SAP30BP: variants seen among roughly 807,000 people sequenced by gnomAD.
SAP30BP encodes the protein SAP30-binding protein.
In SAP30BP, 31 loss-of-function variants were observed where a neutral mutation model predicts 46.3. That is an observed-to-expected ratio of 0.67 (90% CI 0.50 to 0.90). The LOEUF is 0.90. Among genes scored for constraint, SAP30BP ranks in the 40% least tolerant of loss-of-function variants. The probability of loss-of-function intolerance (pLI) is 0.00; values close to 1 mark genes in which losing one functional copy is unlikely to be tolerated. For synonymous variants in SAP30BP, 169 were observed against 144.2 expected (o/e 1.17, Z -1.23); for missense variants, 312 against 391.0 (o/e 0.80, Z 1.70).
intron 3 of SAP30BP, among the ~76,000 whole-genome samples, chr17:75,688,382 T>C (rs1599135538): frequency 6.6e-6 from 1 of 152,208 alleles, no homozygotes; most frequent in Non-Finnish European, 1.5e-5. Flanking sequence ...TGCCACGTAC[T>C]TGTAAGATGC....
rs1568300467 is a variant in SAP30BP, at chr17:75,674,708, T to TTG, written c.264+2846_264+2847insGT. ...TTTGTTTGTTTTTTGTTTTTTTTTT[T>TTG]TTTTTTTTTTTTTTTTTGAGGTGGA... On this transcript the variant is annotated intron_variant, in intron 3 of 10. Coordinates refer to ENST00000584667, the MANE Select transcript of SAP30BP (RefSeq NM_013260.8). 1.2e-3 allele frequency among the ~76,000 whole-genome samples: 143 copies of TTG among 122,444 alleles called. 3 individuals are homozygous for TTG. Among genetic ancestry groups the TTG allele is most frequent in the African/African-American group, 4.0e-3 (127 of 31,396 alleles). The allele number at this position is 122,444 out of a possible 152,430, so 80.3% of individuals were successfully genotyped here.
rs140985854 is a variant in SAP30BP at position 75,706,476 on chromosome 17, C to T, written c.882C>T (p.Thr294=). ...VTTSASGSKT[T]VISAVGTIVK... ...CCAGCGCCAGCGGCTCCAAGACCAC[C>T]GTCATCTCTGCTGTGGGCACCATTG... Residue 294 remains threonine, a synonymous_variant, in exon 11 of 11, where the codon ACC becomes ACT. Coordinates refer to ENST00000584667, the MANE Select transcript of SAP30BP (RefSeq NM_013260.8). This position sits in a 1 kb window ranked among gnomAD's most constrained non-coding sequence, Gnocchi z 4.6. 35 of 1,614,166 alleles carry T rather than the reference C, an allele frequency of 2.2e-5. No individual in the cohort carries two copies. The highest frequency in any genetic ancestry group is 1.6e-4 in the Middle Eastern group (1 of 6,062).
intron 3 of SAP30BP, among the ~76,000 whole-genome samples, chr17:75,688,400 C>G (rs2060193226): frequency 6.6e-6 from 1 of 152,222 alleles, no homozygotes. Flanking sequence ...TGCAAGATTA[C>G]ATTGCCCAAC....
intron 2 of SAP30BP, among the ~76,000 whole-genome samples, chr17:75,670,957 A>G (rs1282516818): frequency 6.6e-6 from 1 of 152,218 alleles, no homozygotes; most frequent in Non-Finnish European, 1.5e-5. Flanking sequence ...TGTTCTGGGT[A>G]GTGGAGGTGA....
At position 75,667,438 on chromosome 17, in the gene SAP30BP, T is replaced by C; in HGVS notation, c.66T>C (p.Ser22=). The C allele has an allele frequency of 6.2e-7, 1 of 1,614,172 alleles. No homozygotes were observed. The highest frequency in any genetic ancestry group is 8.5e-7 in the Non-Finnish European group (1 of 1,180,024). The change falls in exon 1 of 11, where the codon TCT becomes TCC. Residue 22 remains serine (S), a synonymous_variant. Transcript: ENST00000584667. ...ACGCGGAAGATTCAGAGCCCGAGTC[T>C]GATGGCGAGGCTGGAATCGAGGCGG... ...AVYAEDSEPE[S]DGEAGIEAVG...
chr17:75,692,125 C>A, intron 3 of SAP30BP: 1 of 672,758 alleles, frequency 1.5e-6, no homozygotes, highest in Non-Finnish European at 1.8e-6. Flanking sequence ...TGGTGCCCTG[C>A]CAGGTTGAAT....
At chr17:75,678,463 AACACACACACACACACAC>A (rs59943167) in intron 3 of SAP30BP, among the ~76,000 whole-genome samples, 1 of 147,534 alleles carries the variant, frequency 6.8e-6, no homozygotes, top group Non-Finnish European at 1.5e-5. Flanking sequence ...CACAATTTAA[AACACACACACACACACAC>A]ACACACACAC....
intron 3 of SAP30BP, among the ~76,000 whole-genome samples, chr17:75,677,619 T>C (rs1318992905): frequency 6.7e-6 from 1 of 149,762 alleles, no homozygotes; most frequent in African/African-American, 2.4e-5. Context: ...TTTTTTTTTT[T>C]TTTTTTGGTA....
chr17:75,681,807 T>C (rs1444770543), intron 3 of SAP30BP, among the ~76,000 whole-genome samples: 2 of 152,196 alleles, frequency 1.3e-5, no homozygotes, highest in South Asian at 2.1e-4. Flanking sequence ...AGGAAGATGC[T>C]GTGGCTTTTC....
chr17:75,691,654 G>T, intron 3 of SAP30BP: 2 of 368,610 alleles, frequency 5.4e-6, no homozygotes, highest in Admixed American at 3.6e-5. Context: ...CCATGAGAAG[G>T]GGTGGGTGTG....
At chr17:75,696,024 C>G (rs1019520741) in intron 4 of SAP30BP, among the ~76,000 whole-genome samples, 1 of 152,224 alleles carries the variant, frequency 6.6e-6, no homozygotes, top group African/African-American at 2.4e-5. Context: ...TGTTCCTGCA[C>G]AGATCCCTCC....
rs554453705 is a variant in SAP30BP, at chr17:75,698,081, G to A, written c.308-1702G>A. Among the ~76,000 whole-genome samples, 16 of 152,360 alleles carry A rather than the reference G, an allele frequency of 1.1e-4. No individual in the cohort carries two copies. The South Asian group carries it at 3.3e-3, about 32-fold the overall frequency. ...CCTTTTCATGAGAGAGTGTTTTGAA[G>A]AGCGCAGACAGAATCTTAACAAATA... On this transcript the variant is annotated intron_variant, in intron 4 of 10. Transcript: ENST00000584667.
chr17:75,681,198 A>G (rs1183156245), intron 3 of SAP30BP, among the ~76,000 whole-genome samples: 2 of 152,198 alleles, frequency 1.3e-5, no homozygotes, highest in African/African-American at 4.8e-5. Context: ...TTCCTGTAAC[A>G]GTTTTGTTAA....
chr17:75,689,382 C>A (rs820220), intron 3 of SAP30BP, among the ~76,000 whole-genome samples: 5 of 152,172 alleles, frequency 3.3e-5, no homozygotes, highest in South Asian at 2.1e-4. Flanking sequence ...CTCCCAACTC[C>A]CCCAGCCTGT....
Position 75,671,812 on chromosome 17 carries a change from G to T in SAP30BP, c.217-4G>T. On this transcript the variant is annotated splice_polypyrimidine_tract_variant and splice_region_variant and intron_variant, in intron 2 of 10. Transcript: ENST00000584667. ...CTTAATCCTCTAAATTCTTTGTCTTGTAGGAAGATGACGATTCAGAGACTG... is the reference window on the plus strand; with the variant it reads ...CTTAATCCTCTAAATTCTTTGTCTTTTAGGAAGATGACGATTCAGAGACTG... 1 of 1,612,098 alleles carries T rather than the reference G, an allele frequency of 6.2e-7. No homozygotes were observed. Among genetic ancestry groups the T allele is most frequent in the Non-Finnish European group, 8.5e-7 (1 of 1,178,246 alleles).
At chr17:75,696,716 C>A (rs2060325495) in intron 4 of SAP30BP, among the ~76,000 whole-genome samples, 1 of 150,658 alleles carries the variant, frequency 6.6e-6, no homozygotes, top group South Asian at 2.1e-4. Context: ...CAGTTACTTC[C>A]TAGGAATTAT....
chr17:75,703,705 G>C (rs971633311), intron 7 of SAP30BP, 103 bp from the exon 8 acceptor site: 47 of 1,055,496 alleles, frequency 4.5e-5, no homozygotes, highest in Non-Finnish European at 6.5e-5. Flanking sequence ...CCGAGCCCCG[G>C]GTAAGGGGAC....
intron 3 of SAP30BP, chr17:75,683,947 C>G (rs547520068): frequency 1.2e-4 from 19 of 152,316 alleles, no homozygotes; most frequent in African/African-American, 4.6e-4. Flanking sequence ...TCCCTTAAGT[C>G]CAGGGTTTTA....
rs140686874 is a variant in SAP30BP at position 75,677,398 on chromosome 17, C to T, written c.264+5535C>T. The stretch of plus-strand genomic sequence containing the variant: ...GATTACAGATGTGAGCCACCACGCC[C>T]GGCCTATGGCTGACCATTCTTAAGT... On this transcript the variant is annotated intron_variant, in intron 3 of 10. Coordinates refer to ENST00000584667, the MANE Select transcript of SAP30BP (RefSeq NM_013260.8). Among the ~76,000 whole-genome samples, 11 of 149,902 alleles carry T rather than the reference C, an allele frequency of 7.3e-5. No individual in the cohort carries two copies. The East Asian group carries it at 7.8e-4, about 11-fold the overall frequency.
Sources: gnomAD v4.1 joint callset for allele counts (sites outside exome capture counted in the v4.1 genomes callset) on GRCh38, gnomAD v4.1.1 for gene constraint, Gnocchi (gnomAD v3.1) non-coding constraint, MANE v1.5 for transcripts, NCBI Gene and HGNC (gene_info 2026-07-23, HGNC 2026-07-21) for gene names.